The following TNR variants were observed in gnomAD, a reference collection of about 807,000 sequenced individuals.
The protein encoded by TNR is tenascin R.
In TNR, 45 loss-of-function variants were observed where a neutral mutation model predicts 150.4. The ratio of observed to expected loss-of-function variants is 0.30; its 90% CI spans 0.24 to 0.38. The LOEUF is 0.38. Ranked by LOEUF, TNR falls within the 10% of genes least tolerant of loss-of-function variation. TNR has a pLI of 1.00. For synonymous variants in TNR, 687 were observed against 678.4 expected, an observed-to-expected ratio of 1.01 and a Z score of -0.20; for missense variants, 1,544 against 1,759.1, an observed-to-expected ratio of 0.88 and a Z score of 2.19.
intron 1 of TNR, among the ~76,000 whole-genome samples, chr1:175,545,485 C>T (rs1013255095): frequency 2.0e-5 from 3 of 152,160 alleles, no homozygotes; most frequent in Non-Finnish European, 4.4e-5. Context: ...TTTGAAACCA[C>T]AGACTGAGGA....
intron 2 of TNR, among the ~76,000 whole-genome samples, chr1:175,463,321 A>G (rs576259644): frequency 7.2e-5 from 11 of 152,246 alleles, no homozygotes; most frequent in South Asian, 2.1e-4. Context: ...AGTGTGCTTT[A>G]TAAGTATGCT....
At chr1:175,435,135 C>T (rs1320624373) in intron 2 of TNR, among the ~76,000 whole-genome samples, 1 of 152,116 alleles carries the variant, frequency 6.6e-6, no homozygotes, top group Non-Finnish European at 1.5e-5. Context: ...TGAAAGATCA[C>T]TTGGCTGCTT....
intron 14 of TNR, among the ~76,000 whole-genome samples, chr1:175,361,180 G>C (rs1651570126): frequency 6.6e-6 from 1 of 152,152 alleles, no homozygotes; most frequent in South Asian, 2.1e-4. Flanking sequence ...TTCTGCCTCA[G>C]CCTCCCTGGT....
At chr1:175,435,215 G>T (rs1054306063) in intron 2 of TNR, among the ~76,000 whole-genome samples, 1 of 152,202 alleles carries the variant, frequency 6.6e-6, no homozygotes, top group Non-Finnish European at 1.5e-5. Context: ...GGACGGGGGT[G>T]AGACATGAAG....
chr1:175,526,667 C>T (rs1161962103), intron 2 of TNR, among the ~76,000 whole-genome samples: 1 of 152,166 alleles, frequency 6.6e-6, no homozygotes, highest in Non-Finnish European at 1.5e-5. Context: ...ATTAAGGGCT[C>T]ATCTAATCAG....
chr1:175,723,148 A>G (rs1191860450), intron 1 of TNR, among the ~76,000 whole-genome samples: 2 of 152,330 alleles, frequency 1.3e-5, no homozygotes, highest in East Asian at 3.9e-4. Flanking sequence ...ATAGATAAAC[A>G]AAGAGATACA....
Position 175,403,281 on chromosome 1 carries a change from C to T in TNR, c.835G>A (p.Gly279Ser), listed in dbSNP as rs751249645. ...DCSGKGRCANGTCLCEEGYVG... is the reference protein window; with the variant it reads ...DCSGKGRCANSTCLCEEGYVG... ...TAGCCCTCCTCGCATAAACAGGTAC[C>T]GTTGGCACATCTCCCCTTCCCCGAA... Residue 279 changes from glycine (G) to serine (S), a missense_variant, in exon 4 of 23, where the codon GGT (glycine) becomes AGT (serine). Around this residue, in one of 2 missense-constraint regions of TNR, gnomAD observed 1,254 missense variants for 1,329.4 expected, o/e 0.94. Transcript: ENST00000367674. The T allele has an allele frequency of 1.2e-5, 20 of 1,614,046 alleles. No individual in the cohort carries two copies. The highest frequency in any genetic ancestry group is 1.2e-4 in the African/African-American group (9 of 74,926).
intron 1 of TNR, among the ~76,000 whole-genome samples, chr1:175,733,625 G>A (rs975087063): frequency 2.0e-5 from 3 of 152,130 alleles, no homozygotes; most frequent in East Asian, 3.9e-4. Context: ...AATAACTCAG[G>A]CACAGTGCCT....
At chr1:175,348,644 T>C (rs1650910633) in intron 18 of TNR, among the ~76,000 whole-genome samples, 2 of 152,164 alleles carry the variant, frequency 1.3e-5, no homozygotes, top group Non-Finnish European at 2.9e-5. Flanking sequence ...GGGAACTTAA[T>C]ATACAATGAG....
At chr1:175,601,482 T>C (rs1663234192) in intron 1 of TNR, among the ~76,000 whole-genome samples, 1 of 152,234 alleles carries the variant, frequency 6.6e-6, no homozygotes, top group Non-Finnish European at 1.5e-5. Flanking sequence ...AGTTCTGGAT[T>C]TGTAATATTA....
At position 175,466,987 on chromosome 1, in the gene TNR, C is replaced by T. The variant is rs116693935; in HGVS notation, c.-63-60210G>A. On this transcript the variant is annotated intron_variant, in intron 2 of 22. Coordinates refer to ENST00000367674, the MANE Select transcript of TNR (RefSeq NM_003285.3). The stretch of plus-strand genomic sequence containing the variant: ...AGAGGTGGGAGAAATGGGACTTAAC[C>T]CCTGAATCCTCAGAGGATAGAGGCT... Among the ~76,000 whole-genome samples, 991 of 152,172 alleles carry T rather than the reference C, an allele frequency of 6.5e-3. 10 individuals are homozygous for T. Among genetic ancestry groups the T allele is most frequent in the African/African-American group, 0.022 (932 of 41,502 alleles).
At chr1:175,542,240 C>T (rs1165708465) in intron 1 of TNR, among the ~76,000 whole-genome samples, 1 of 152,166 alleles carries the variant, frequency 6.6e-6, no homozygotes, top group East Asian at 1.9e-4. Flanking sequence ...AGCTCTGTCT[C>T]TCCTCAAAAA....
At chr1:175,421,862 AT>A (rs1355141194) in intron 2 of TNR, among the ~76,000 whole-genome samples, 2 of 152,124 alleles carry the variant, frequency 1.3e-5, no homozygotes, top group African/African-American at 4.8e-5. Context: ...CTGTCCCAAT[AT>A]GCATGTGGGG....
chr1:175,631,963 T>A (rs1664342856), intron 1 of TNR, among the ~76,000 whole-genome samples: 1 of 152,236 alleles, frequency 6.6e-6, no homozygotes, highest in Non-Finnish European at 1.5e-5. Flanking sequence ...GAGGCATCTA[T>A]CATTGCTAAC....
chr1:175,555,079 T>G (rs1425266543), intron 1 of TNR, among the ~76,000 whole-genome samples: 1 of 152,170 alleles, frequency 6.6e-6, no homozygotes, highest in Admixed American at 6.5e-5. Context: ...AGCATAGTCC[T>G]AGGTGCTGCA....
chr1:175,491,888 A>T (rs899191178), intron 2 of TNR, among the ~76,000 whole-genome samples: 1 of 152,000 alleles, frequency 6.6e-6, no homozygotes, highest in Non-Finnish European at 1.5e-5. Flanking sequence ...TGACCTCGTG[A>T]TCCGCCCGCC....
At chr1:175,707,390 T>A (rs1658249914) in intron 1 of TNR, among the ~76,000 whole-genome samples, 1 of 152,244 alleles carries the variant, frequency 6.6e-6, no homozygotes, top group Non-Finnish European at 1.5e-5. Context: ...CTGATATTTA[T>A]TTGAGTGCCT....
chr1:175,438,433 A>G (rs376932409), intron 2 of TNR, among the ~76,000 whole-genome samples: 1 of 152,162 alleles, frequency 6.6e-6, no homozygotes, highest in African/African-American at 2.4e-5. Context: ...TACTGAATGG[A>G]CAAAAACTGG....
chr1:175,454,769 T>C (rs859455), intron 2 of TNR, among the ~76,000 whole-genome samples: 104,207 of 152,126 alleles, frequency 0.69, 36,943 homozygotes, highest in African/African-American at 0.87. Flanking sequence ...ACCATGCCGG[T>C]CTGGTTCCAT....
Sources: allele counts gnomAD v4.1 joint callset (sites outside exome capture counted in the v4.1 genomes callset), GRCh38; gene constraint gnomAD v4.1.1; regional missense constraint gnomAD v4.1.1; transcripts MANE v1.5; gene names NCBI Gene and HGNC (gene_info 2026-07-23, HGNC 2026-07-21).